Variants in IMMP2L observed in about 807,000 individuals in gnomAD.
IMMP2L encodes inner mitochondrial membrane peptidase subunit 2.
IMMP2L carries 18 observed loss-of-function variants against 19.3 expected under a neutral mutation model. The ratio of observed to expected loss-of-function variants is 0.93; its 90% CI spans 0.64 to 1.38. The LOEUF is 1.38. Among genes scored for constraint, IMMP2L ranks in the 40% most tolerant of loss-of-function variants. The probability of loss-of-function intolerance (pLI) is 0.00; values close to 1 mark genes in which losing one functional copy is unlikely to be tolerated. For missense variants in IMMP2L, 233 were observed against 218.2 expected, an observed-to-expected ratio of 1.07 and a Z score of -0.43; for synonymous variants, 76 against 73.0, an observed-to-expected ratio of 1.04 and a Z score of -0.21.
At chr7:110,796,393 C>A (rs530919164) in intron 5 of IMMP2L, among the ~76,000 whole-genome samples, 3 of 152,104 alleles carry the variant, frequency 2.0e-5, no homozygotes, top group African/African-American at 7.2e-5. Context: ...CTTCCTCGCC[C>A]AGTGCCCTTT....
At chr7:111,228,638 A>G (rs956877463) in intron 3 of IMMP2L, among the ~76,000 whole-genome samples, 3 of 152,070 alleles carry the variant, frequency 2.0e-5, no homozygotes, top group Non-Finnish European at 4.4e-5. Context: ...CTGACCATAC[A>G]TAAAGTTTGG....
intron 3 of IMMP2L, among the ~76,000 whole-genome samples, chr7:111,081,224 T>G (rs748627483): frequency 2.6e-5 from 4 of 152,156 alleles, no homozygotes; most frequent in Admixed American, 6.5e-5. Context: ...GAGGAAGAAA[T>G]CTGCAAAAGA....
intron 3 of IMMP2L, among the ~76,000 whole-genome samples, chr7:111,274,146 A>C (rs1818772116): frequency 6.6e-6 from 1 of 152,140 alleles, no homozygotes; most frequent in African/African-American, 2.4e-5. Flanking sequence ...ATCCAAATAA[A>C]ATATAGTAGA....
intron 4 of IMMP2L, among the ~76,000 whole-genome samples, chr7:110,889,985 G>A (rs937399511): frequency 1.3e-5 from 2 of 152,116 alleles, no homozygotes; most frequent in African/African-American, 4.8e-5. Flanking sequence ...CCAATAAATG[G>A]TAGTTATTAT....
At chr7:110,971,516 G>T (rs1820141522) in intron 3 of IMMP2L, among the ~76,000 whole-genome samples, 1 of 152,062 alleles carries the variant, frequency 6.6e-6, no homozygotes, top group Admixed American at 6.6e-5. Flanking sequence ...TCAAGGTGCA[G>T]GGTCCCTCCC....
chr7:110,926,732 A>C (rs2129551157), intron 4 of IMMP2L, among the ~76,000 whole-genome samples: 1 of 152,264 alleles, frequency 6.6e-6, no homozygotes, highest in Admixed American at 6.5e-5. Flanking sequence ...TGGTGCTAGC[A>C]CCTAGAAATG....
At chr7:111,163,505 A>G (rs1407134928) in intron 3 of IMMP2L, among the ~76,000 whole-genome samples, 4 of 152,046 alleles carry the variant, frequency 2.6e-5, no homozygotes, top group Admixed American at 6.6e-5. Context: ...ATAATCCCCT[A>G]ACTGTCAATA....
chr7:111,350,037 A>G (rs1827989893), intron 3 of IMMP2L, among the ~76,000 whole-genome samples: 1 of 150,086 alleles, frequency 6.7e-6, no homozygotes, highest in South Asian at 2.1e-4. Context: ...GTGCGATCTC[A>G]GCTCACTGCA....
chr7:111,243,092 T>C (rs983329729), intron 3 of IMMP2L, among the ~76,000 whole-genome samples: 1 of 152,136 alleles, frequency 6.6e-6, no homozygotes. Context: ...ACAAAATTCT[T>C]ATTATTTTTA....
At chr7:110,676,454 G>T (rs1209765773) in intron 5 of IMMP2L, among the ~76,000 whole-genome samples, 1 of 152,240 alleles carries the variant, frequency 6.6e-6, no homozygotes, top group Non-Finnish European at 1.5e-5. Flanking sequence ...TAATGTCTCT[G>T]ATTGGACAGG....
At chr7:111,523,652 A>G (rs1846565333) in intron 1 of IMMP2L, among the ~76,000 whole-genome samples, 1 of 152,122 alleles carries the variant, frequency 6.6e-6, no homozygotes, top group African/African-American at 2.4e-5. Context: ...TTTATACCTA[A>G]TCAAAATAAT....
At chr7:111,325,453 T>C (rs1462584669) in intron 3 of IMMP2L, among the ~76,000 whole-genome samples, 1 of 151,700 alleles carries the variant, frequency 6.6e-6, no homozygotes, top group Non-Finnish European at 1.5e-5. Context: ...AATATAGCTA[T>C]AGATATTTTA....
chr7:110,802,869 A>G (rs988711664), intron 5 of IMMP2L, among the ~76,000 whole-genome samples: 1 of 151,986 alleles, frequency 6.6e-6, no homozygotes, highest in African/African-American at 2.4e-5. Context: ...ATGGTTCAGT[A>G]CTCATTTCTG....
At chr7:111,208,373 T>G (rs551511731) in intron 3 of IMMP2L, among the ~76,000 whole-genome samples, 3 of 152,190 alleles carry the variant, frequency 2.0e-5, no homozygotes, top group Non-Finnish European at 4.4e-5. Flanking sequence ...TACTGTTGAT[T>G]AGAATTCCAA....
intron 3 of IMMP2L, among the ~76,000 whole-genome samples, chr7:111,231,459 T>A (rs1331088945): frequency 6.6e-6 from 1 of 151,888 alleles, no homozygotes; most frequent in Non-Finnish European, 1.5e-5. Flanking sequence ...AAAAAATAAT[T>A]CCTAATCACG....
chr7:110,814,969 A>G (rs1802361099), intron 5 of IMMP2L, among the ~76,000 whole-genome samples: 1 of 151,974 alleles, frequency 6.6e-6, no homozygotes, highest in African/African-American at 2.4e-5. Context: ...AATTGATACA[A>G]TAGCAAGCCT....
At chr7:111,288,279 A>T (rs1030210934) in intron 3 of IMMP2L, among the ~76,000 whole-genome samples, 1 of 152,194 alleles carries the variant, frequency 6.6e-6, no homozygotes, top group African/African-American at 2.4e-5. Context: ...TTGTTAATAA[A>T]ATTAACTCAA....
At chr7:110,883,006 T>C (rs1809847147) in intron 5 of IMMP2L, among the ~76,000 whole-genome samples, 3 of 152,132 alleles carry the variant, frequency 2.0e-5, no homozygotes, top group Admixed American at 1.3e-4. Context: ...AAGGCATAAA[T>C]GAAAAGCTTC....
intron 2 of IMMP2L, among the ~76,000 whole-genome samples, chr7:111,516,602 T>C (rs1480091611): frequency 6.6e-6 from 1 of 152,064 alleles, no homozygotes; most frequent in African/African-American, 2.4e-5. Flanking sequence ...AGTTATTCTA[T>C]CATGGGAAGT....
Sources: gnomAD v4.1 joint callset for allele counts (sites outside exome capture counted in the v4.1 genomes callset) on GRCh38, gnomAD v4.1.1 for gene constraint, MANE v1.5 for transcripts, NCBI Gene and HGNC (gene_info 2026-07-23, HGNC 2026-07-21) for gene names.